Variants in STK3 observed in about 807,000 individuals in gnomAD.
STK3 encodes serine/threonine-protein kinase 3.
In STK3, 41 loss-of-function variants were observed where a neutral mutation model predicts 58.0. That is an observed-to-expected ratio of 0.71 (90% CI 0.55 to 0.92). The LOEUF is 0.92. STK3 is among the 40% of genes least tolerant of loss of function. The pLI, the probability that STK3 is intolerant of heterozygous loss-of-function variation, is 0.00. For synonymous variants in STK3, 170 were observed against 191.0 expected, an observed-to-expected ratio of 0.89 and a Z score of 0.91; for missense variants, 479 against 602.7, an observed-to-expected ratio of 0.79 and a Z score of 2.15.
intron 8 of STK3, among the ~76,000 whole-genome samples, chr8:98,568,090 T>C (rs993209034): frequency 6.6e-6 from 1 of 151,784 alleles, no homozygotes; most frequent in Non-Finnish European, 1.5e-5. Flanking sequence ...GATAGATAGA[T>C]AGATAGATAG....
At chr8:98,567,691 T>C (rs1271856372) in intron 8 of STK3, among the ~76,000 whole-genome samples, 3 of 152,170 alleles carry the variant, frequency 2.0e-5, no homozygotes, top group African/African-American at 7.2e-5. Context: ...CTCAAGGAGT[T>C]TGTTAATCAC....
chr8:98,660,982 A>G (rs1821924949), intron 6 of STK3, among the ~76,000 whole-genome samples: 1 of 152,118 alleles, frequency 6.6e-6, no homozygotes. Flanking sequence ...CTTCAGGTAG[A>G]AATGAAAGGA....
chr8:98,427,842 C>G, intron 3 of STK3: 1 of 676,776 alleles, frequency 1.5e-6, no homozygotes, highest in East Asian at 2.7e-5. Flanking sequence ...CACCCAAGAC[C>G]CACCAGGAGG....
At chr8:98,534,047 GTATTGTGACTAC>G (rs746129307) in intron 9 of STK3, among the ~76,000 whole-genome samples, 1 of 152,188 alleles carries the variant, frequency 6.6e-6, no homozygotes, top group Non-Finnish European at 1.5e-5. Flanking sequence ...ATTTGAGAAA[GTATTGTGACTAC>G]TACAATTATT....
At chr8:98,711,559 T>C (rs1254072342) in intron 4 of STK3, among the ~76,000 whole-genome samples, 8 of 151,856 alleles carry the variant, frequency 5.3e-5, no homozygotes, top group African/African-American at 1.9e-4. Context: ...ATGAATGAAA[T>C]GAAGTGAGAA....
chr8:98,747,392 T>C (rs1829711682), intron 4 of STK3, among the ~76,000 whole-genome samples: 3 of 152,104 alleles, frequency 2.0e-5, no homozygotes, highest in Admixed American at 2.0e-4. Context: ...GATTGTTTCA[T>C]GACCATGAAA....
At chr8:98,457,229 CTTCATTGATTT>C (rs1819564067) in intron 10 of STK3, among the ~76,000 whole-genome samples, 2 of 152,164 alleles carry the variant, frequency 1.3e-5, no homozygotes, top group Non-Finnish European at 2.9e-5. Context: ...TATACACTTT[CTTCATTGATTT>C]TTAATCCAAG....
At chr8:98,885,018 A>C (rs986398817) in intron 1 of STK3, among the ~76,000 whole-genome samples, 2 of 152,246 alleles carry the variant, frequency 1.3e-5, no homozygotes, top group African/African-American at 4.8e-5. Flanking sequence ...GTTGTAAAAC[A>C]GATGAAATAA....
At chr8:98,874,568 T>C (rs1837495876) in intron 3 of STK3, among the ~76,000 whole-genome samples, 1 of 152,074 alleles carries the variant, frequency 6.6e-6, no homozygotes, top group Non-Finnish European at 1.5e-5. Flanking sequence ...ATGTTTTATA[T>C]ATCTATATCT....
At chr8:98,611,211 C>T (rs1817166081) in intron 6 of STK3, among the ~76,000 whole-genome samples, 1 of 151,724 alleles carries the variant, frequency 6.6e-6, no homozygotes, top group Non-Finnish European at 1.5e-5. Context: ...GTATAATGCC[C>T]AGTACAAATC....
At chr8:98,365,571 C>G in the STK3 span, among the ~76,000 whole-genome samples, 4 of 152,130 alleles carry the variant, frequency 2.6e-5, no homozygotes, top group Non-Finnish European at 4.4e-5. Flanking sequence ...TACTTCAGAT[C>G]TTTTTAAAAA....
intron 1 of STK3, among the ~76,000 whole-genome samples, chr8:98,917,877 C>T (rs1459131915): frequency 1.3e-5 from 2 of 152,158 alleles, no homozygotes; most frequent in African/African-American, 4.8e-5. Flanking sequence ...TCGAAGCCAT[C>T]TCTGGGGAGT....
intron 8 of STK3, among the ~76,000 whole-genome samples, chr8:98,551,412 G>C (rs971293482): frequency 6.6e-6 from 1 of 151,980 alleles, no homozygotes; most frequent in Non-Finnish European, 1.5e-5. Context: ...ACACAGTAAG[G>C]GTTTGTGAAA....
At chr8:98,700,367 A>G (rs1825464915) in intron 6 of STK3, among the ~76,000 whole-genome samples, 1 of 152,186 alleles carries the variant, frequency 6.6e-6, no homozygotes, top group African/African-American at 2.4e-5. Context: ...GGTGCACTGC[A>G]TCCACTGTCC....
chr8:98,795,129 T>TATATATATATATATATAC (rs1288218080), intron 1 of STK3, among the ~76,000 whole-genome samples: 2 of 95,934 alleles, frequency 2.1e-5, no homozygotes, highest in African/African-American at 8.3e-5. Context: ...TATATATATA[T>TATATATATATATATATAC]ACATACTAGT....
chr8:98,384,358 T>C (rs543567721), intron 1 of STK3, among the ~76,000 whole-genome samples: 2 of 152,392 alleles, frequency 1.3e-5, no homozygotes, highest in South Asian at 4.1e-4. Flanking sequence ...TTCCACTTTG[T>C]GGAGTGTGCT....
At chr8:98,696,551 G>C (rs1390590289) in intron 6 of STK3, among the ~76,000 whole-genome samples, 6 of 152,160 alleles carry the variant, frequency 3.9e-5, no homozygotes, top group African/African-American at 1.2e-4. Flanking sequence ...AATTTATGGA[G>C]AGTTTTTAGC....
intron 3 of STK3, among the ~76,000 whole-genome samples, chr8:98,851,499 T>C (rs1564061042): frequency 6.6e-6 from 1 of 152,218 alleles, no homozygotes; most frequent in Non-Finnish European, 1.5e-5. Flanking sequence ...TGTTCCTTAA[T>C]GTAATCAACA....
chr8:98,844,145 T>TA (rs1836105001), intron 3 of STK3, among the ~76,000 whole-genome samples: 1 of 152,164 alleles, frequency 6.6e-6, no homozygotes, highest in Non-Finnish European at 1.5e-5. Context: ...ACCCTGTCTC[T>TA]AAAATAAAAT....
Sources: allele counts gnomAD v4.1 joint callset (sites outside exome capture counted in the v4.1 genomes callset), GRCh38; gene constraint gnomAD v4.1.1; transcripts MANE v1.5; gene names NCBI Gene and HGNC (gene_info 2026-07-23, HGNC 2026-07-21).